Variants in KCNH8 observed in about 807,000 individuals in gnomAD.
The protein encoded by KCNH8 is potassium voltage-gated channel subfamily H member 8, also known as voltage-gated delayed rectifier potassium channel KCNH8.
Under a neutral mutation model 103.6 loss-of-function variants are expected in KCNH8, and 70 were observed. The observed-to-expected ratio is 0.68, with a 90% confidence interval of 0.56 to 0.82. KCNH8 has a LOEUF of 0.82. KCNH8 is among the 40% of genes least tolerant of loss of function. The probability of loss-of-function intolerance (pLI) is 0.00; values close to 1 mark genes in which losing one functional copy is unlikely to be tolerated. For synonymous variants in KCNH8, 498 were observed against 489.4 expected, an observed-to-expected ratio of 1.02 and a Z score of -0.23; for missense variants, 1,217 against 1,329.9, an observed-to-expected ratio of 0.92 and a Z score of 1.32.
In KCNH8 at chr3:19,169,142, C is replaced by T. The variant is rs376536975; in HGVS notation, c.76+20347C>T. ...CTGCTCAAACTCATTTTTATGGAGCCAGTGCTTTCCTTCCACTTGGATGAC... is the reference window on the plus strand; with the variant it reads ...CTGCTCAAACTCATTTTTATGGAGCTAGTGCTTTCCTTCCACTTGGATGAC... On this transcript the variant is annotated intron_variant, in intron 1 of 15. Coordinates refer to ENST00000328405, the MANE Select transcript of KCNH8 (RefSeq NM_144633.3). 5.9e-5 allele frequency among the ~76,000 whole-genome samples: 9 copies of T among 152,218 alleles called. No individual in the cohort carries two copies. In the South Asian group the frequency reaches 1.7e-3, roughly 28 times the overall value.
At chr3:19,409,083 T>G (rs1403857898) in intron 7 of KCNH8, among the ~76,000 whole-genome samples, 1 of 151,236 alleles carries the variant, frequency 6.6e-6, no homozygotes, top group African/African-American at 2.4e-5. Flanking sequence ...CTATCCAAGG[T>G]CAGCACTATA....
intron 2 of KCNH8, among the ~76,000 whole-genome samples, chr3:19,272,207 G>T (rs1163206464): frequency 6.6e-6 from 1 of 151,996 alleles, no homozygotes; most frequent in Non-Finnish European, 1.5e-5. Context: ...TCCAGTGAGG[G>T]TTTGCAGAGC....
intron 11 of KCNH8, among the ~76,000 whole-genome samples, chr3:19,470,511 T>C (rs2067833595): frequency 6.6e-6 from 1 of 152,218 alleles, no homozygotes; most frequent in Admixed American, 6.5e-5. Flanking sequence ...TGATTCTAGA[T>C]TCTTGTGTAA....
At chr3:19,196,415 C>G (rs2063602669) in intron 1 of KCNH8, among the ~76,000 whole-genome samples, 1 of 151,478 alleles carries the variant, frequency 6.6e-6, no homozygotes, top group Non-Finnish European at 1.5e-5. Flanking sequence ...ATGCTCAGCA[C>G]CAATGTAATG....
Position 19,420,905 on chromosome 3 carries a change from T to C in KCNH8, c.1178-17259T>C, listed in dbSNP as rs528411547. Reference sequence around the variant, plus strand: ...TCAACAACATGCTTAGTGAATGGTATAAGCAAGCCATCTTATGGTAGTCAT... The same window carrying C: ...TCAACAACATGCTTAGTGAATGGTACAAGCAAGCCATCTTATGGTAGTCAT... On this transcript the variant is annotated intron_variant, in intron 7 of 15. Transcript: ENST00000328405. Among the ~76,000 whole-genome samples the C allele has an allele frequency of 7.9e-4, 120 of 152,306 alleles. 1 individual carries two copies. The highest frequency in any genetic ancestry group is 1.4e-3 in the Non-Finnish European group (94 of 68,010).
At chr3:19,462,668 GGCTTTTGTTGCCATT>G (rs995380049) in intron 11 of KCNH8, among the ~76,000 whole-genome samples, 4 of 152,066 alleles carry the variant, frequency 2.6e-5, no homozygotes, top group African/African-American at 9.7e-5. Context: ...TGTCAATTTT[GGCTTTTGTTGCCATT>G]GCTTTTGGTC....
chr3:19,171,910 A>T (rs2063352740), intron 1 of KCNH8, among the ~76,000 whole-genome samples: 1 of 152,140 alleles, frequency 6.6e-6, no homozygotes, highest in African/African-American at 2.4e-5. Context: ...CTTCATTCTG[A>T]ATGAGGATAA....
At chr3:19,518,375 G>A (rs1352618751) in intron 15 of KCNH8, among the ~76,000 whole-genome samples, 2 of 152,006 alleles carry the variant, frequency 1.3e-5, no homozygotes, top group Non-Finnish European at 2.9e-5. Flanking sequence ...TTAGATATAT[G>A]CATATTTGGT....
chr3:19,451,277 C>T lies in KCNH8; in HGVS notation c.1698C>T (p.His566=), dbSNP rs1340841148. 1.2e-6 allele frequency: 2 copies of T among 1,613,888 alleles called. No homozygotes were observed. The highest frequency in any genetic ancestry group is 2.2e-5 in the East Asian group (1 of 44,884). Residue 566 remains histidine (H), a synonymous_variant, in exon 10 of 16, where the codon CAC becomes CAT. Coordinates refer to ENST00000328405, the MANE Select transcript of KCNH8 (RefSeq NM_144633.3). ...GCTGCCTCAGGTCTCTGTCTCTACA[C>T]ATCAAAACCTCTTTCTGTGCTCCGG... The part of the protein sequence containing the change: ...SRGCLRSLSL[H]IKTSFCAPGE...
At chr3:19,306,226 A>G (rs2065128286) in intron 3 of KCNH8, among the ~76,000 whole-genome samples, 1 of 152,102 alleles carries the variant, frequency 6.6e-6, no homozygotes, top group African/African-American at 2.4e-5. Context: ...AACTTGTCCT[A>G]ATGTATTAGT....
intron 11 of KCNH8, among the ~76,000 whole-genome samples, chr3:19,461,636 TAA>T (rs747506382): frequency 4.6e-5 from 7 of 152,210 alleles, no homozygotes; most frequent in Admixed American, 6.5e-5. Context: ...TCCTTATTTT[TAA>T]AAGTCATGTG....
chr3:19,291,959 C>T (rs115935519), intron 3 of KCNH8, among the ~76,000 whole-genome samples: 5,002 of 152,198 alleles, frequency 0.033, 141 homozygotes, highest in Middle Eastern at 0.054. Context: ...ATTCAATTGC[C>T]CTCACCTGTG....
chr3:19,485,656 G>C (rs752581800), intron 11 of KCNH8, among the ~76,000 whole-genome samples: 6 of 152,068 alleles, frequency 3.9e-5, no homozygotes, highest in Non-Finnish European at 7.4e-5. Context: ...TTCTTCCTTA[G>C]AATAGGTAGG....
chr3:19,403,576 T>C (rs1021502004), intron 7 of KCNH8, among the ~76,000 whole-genome samples: 6 of 151,376 alleles, frequency 4.0e-5, no homozygotes, highest in African/African-American at 1.2e-4. Context: ...GTATACCTTA[T>C]ACAGGTATAA....
intron 3 of KCNH8, among the ~76,000 whole-genome samples, chr3:19,319,100 C>G (rs1285514961): frequency 2.6e-5 from 4 of 152,040 alleles, no homozygotes; most frequent in African/African-American, 9.7e-5. Context: ...AAGATTTTCT[C>G]CCACTGTGTG....
chr3:19,469,570 G>T (rs897658427), intron 11 of KCNH8, among the ~76,000 whole-genome samples: 5 of 152,054 alleles, frequency 3.3e-5, no homozygotes, highest in African/African-American at 1.2e-4. Context: ...CTCCCAAGTA[G>T]CTGGGATTAC....
intron 1 of KCNH8, among the ~76,000 whole-genome samples, chr3:19,187,865 C>A (rs1277446909): frequency 1.3e-5 from 2 of 151,934 alleles, no homozygotes; most frequent in Non-Finnish European, 2.9e-5. Flanking sequence ...TGGCTGAATA[C>A]TCTGGTAAAA....
Position 19,429,957 on chromosome 3 carries a change from G to T in KCNH8, c.1178-8207G>T, listed in dbSNP as rs376931958. Reference sequence around the variant, plus strand: ...ATATCTACTACATTTTCGTTATCCAGTCTGTCATTAATGGACATTTAGGTT... The same window carrying T: ...ATATCTACTACATTTTCGTTATCCATTCTGTCATTAATGGACATTTAGGTT... On this transcript the variant is annotated intron_variant, in intron 7 of 15. Coordinates refer to ENST00000328405, the MANE Select transcript of KCNH8 (RefSeq NM_144633.3). Among the ~76,000 whole-genome samples, 43 of 152,244 alleles carry T rather than the reference G, an allele frequency of 2.8e-4. No homozygotes were observed. The South Asian group carries it at 8.9e-3, about 32-fold the overall frequency.
At chr3:19,225,514 T>A (rs1213761820) in intron 1 of KCNH8, among the ~76,000 whole-genome samples, 1 of 152,154 alleles carries the variant, frequency 6.6e-6, no homozygotes, top group Admixed American at 6.5e-5. Context: ...TTTTTTAGTA[T>A]CTGTTCTTCT....
Sources: allele counts gnomAD v4.1 joint callset (sites outside exome capture counted in the v4.1 genomes callset), GRCh38; gene constraint gnomAD v4.1.1; transcripts MANE v1.5; gene names NCBI Gene and HGNC (gene_info 2026-07-23, HGNC 2026-07-21).